The following HMCN1 variants were observed in gnomAD, a reference collection of about 807,000 sequenced individuals.
HMCN1 encodes the protein hemicentin-1.
Under a neutral mutation model 625.9 loss-of-function variants are expected in HMCN1, and 321 were observed. The ratio of observed to expected loss-of-function variants is 0.51; its 90% confidence interval spans 0.47 to 0.56. The LOEUF (loss-of-function observed/expected upper bound fraction) is 0.56. HMCN1 is among the 20% of genes least tolerant of loss of function. The probability of loss-of-function intolerance (pLI) is 0.00; values close to 1 mark genes in which losing one functional copy is unlikely to be tolerated. For synonymous variants in HMCN1, 2,425 were observed against 2,417.6 expected, an observed-to-expected ratio of 1.00 and a Z score of -0.09; for missense variants, 6,588 against 6,887.3, an observed-to-expected ratio of 0.96 and a Z score of 1.54.
chr1:186,145,281 G>C, intron 91 of HMCN1, 122 bp from the exon 92 acceptor site: 1 of 941,594 alleles, frequency 1.1e-6, no homozygotes, highest in Non-Finnish European at 1.6e-6. Flanking sequence ...TTATAGACTT[G>C]CATGTTTTGT....
chr1:185,835,635 A>C lies in HMCN1; in HGVS notation c.269-10391A>C, dbSNP rs1478064136. The stretch of plus-strand genomic sequence containing the variant: ...GTTACCAACTAAAGTGAAGACTCTG[A>C]ACTTCTTCATATTAGAAGTATTTAA... On this transcript the variant is annotated intron_variant, in intron 1 of 106. Transcript: ENST00000271588. Among the ~76,000 whole-genome samples the C allele has an allele frequency of 7.9e-5, 12 of 152,068 alleles. 1 individual carries two copies. Among genetic ancestry groups the C allele is most frequent in the Admixed American group, 7.9e-4 (12 of 15,234 alleles).
intron 57 of HMCN1, among the ~76,000 whole-genome samples, chr1:186,083,505 A>AAAAAG (rs1235565397): frequency 6.2e-4 from 92 of 149,370 alleles, no homozygotes; most frequent in Non-Finnish European, 1.1e-3. Context: ...TTTGCTAAAA[A>AAAAAG]AAAAAAAAAA....
chr1:185,807,104 TA>T lies in HMCN1; in HGVS notation c.269-38915del, dbSNP rs560283160. Among the ~76,000 whole-genome samples, 590 of 152,258 alleles carry T rather than the reference TA, an allele frequency of 3.9e-3. 4 individuals are homozygous for T. Among genetic ancestry groups the T allele is most frequent in the Non-Finnish European group, 6.4e-3 (438 of 67,992 alleles). ...TCCCTGTGTGTTGAAGATTATAATA[TA>T]AAAAAAGCAGTTTTCTGTTAAATAA... On this transcript the variant is annotated intron_variant, in intron 1 of 106. Transcript: ENST00000271588.
At position 186,065,228 on chromosome 1, in the gene HMCN1, A is replaced by T. The variant is rs1553286480; in HGVS notation, c.7514-10A>T. 6.2e-7 allele frequency: 1 copy of T among 1,610,090 alleles called. No individual in the cohort carries two copies. Among genetic ancestry groups the T allele is most frequent in the Non-Finnish European group, 8.5e-7 (1 of 1,178,814 alleles). On this transcript the variant is annotated splice_polypyrimidine_tract_variant and intron_variant, in intron 48 of 106. Coordinates refer to ENST00000271588, the MANE Select transcript of HMCN1 (RefSeq NM_031935.3). Reference sequence around the variant, plus strand: ...ATTATTAGCTGACTCTCAGAAATGGATTTTTACAGGGAATCCAGTGCCAGA... The same window carrying T: ...ATTATTAGCTGACTCTCAGAAATGGTTTTTTACAGGGAATCCAGTGCCAGA...
At chr1:185,938,967 G>A (rs868205973) in intron 11 of HMCN1, among the ~76,000 whole-genome samples, 1 of 151,990 alleles carries the variant, frequency 6.6e-6, no homozygotes, top group African/African-American at 2.4e-5. Flanking sequence ...TCTTTCCTAT[G>A]AAAAGCCATC....
chr1:185,888,270 C>G (rs1182992252), intron 4 of HMCN1, among the ~76,000 whole-genome samples: 7 of 125,548 alleles, frequency 5.6e-5, no homozygotes, highest in East Asian at 2.1e-4. Flanking sequence ...CCTGTTCACT[C>G]TGATGGTAGT....
In HMCN1 at chr1:186,015,240, C is replaced by T. The variant is rs1654281438; in HGVS notation, c.4712C>T (p.Thr1571Ile). ...AGCCTTATTAAACTGGAATGTGAAA[C>T]ACGGGGACTTCCAATGCCTGCCATT... ...INSLIKLECE[T>I]RGLPMPAITW... Residue 1571 changes from threonine to isoleucine, a missense_variant, in exon 31 of 107, where the codon ACA becomes ATA. Transcript: ENST00000271588. The T allele has an allele frequency of 3.1e-6, 5 of 1,613,664 alleles. No homozygotes were observed. In the East Asian group the frequency reaches 6.7e-5, roughly 22 times the overall value.
rs752856078 is a variant in HMCN1 at position 186,016,058 on chromosome 1, T to C, written c.5010T>C (p.Ser1670=). 1 of 1,613,526 alleles carries C rather than the reference T, an allele frequency of 6.2e-7. No homozygotes were observed. Among genetic ancestry groups the C allele is most frequent in the South Asian group, 1.1e-5 (1 of 91,082 alleles). Reference sequence around the variant, plus strand: ...AGTGCAAAGCTGCTGGAAACCCTTCTCCCATTCTCACCTGGTTGAAAGATG... The same window carrying C: ...AGTGCAAAGCTGCTGGAAACCCTTCCCCCATTCTCACCTGGTTGAAAGATG... The part of the protein sequence containing the change: ...TLECKAAGNP[S]PILTWLKDGV... The change falls in exon 32 of 107, where the codon TCT becomes TCC. Residue 1670 remains serine, a synonymous_variant. Coordinates refer to ENST00000271588, the MANE Select transcript of HMCN1 (RefSeq NM_031935.3).
chr1:185,962,770 A>G (rs1396235096), intron 12 of HMCN1, 111 bp downstream of exon 12: 12 of 746,000 alleles, frequency 1.6e-5, no homozygotes, highest in African/African-American at 6.9e-5. Flanking sequence ...TTTGACCACA[A>G]TACTTAGCTT....
intron 4 of HMCN1, among the ~76,000 whole-genome samples, chr1:185,886,165 G>A (rs565793293): frequency 6.6e-6 from 1 of 151,820 alleles, no homozygotes; most frequent in South Asian, 2.1e-4. Context: ...AATATGCAGG[G>A]CTCAGAGCTT....
At chr1:185,749,377 A>T (rs1311969261) in intron 1 of HMCN1, among the ~76,000 whole-genome samples, 3 of 152,186 alleles carry the variant, frequency 2.0e-5, no homozygotes, top group Admixed American at 1.3e-4. Flanking sequence ...AAGTTTCAAC[A>T]TTAAATACCC....
At chr1:185,859,964 C>A (rs1258721893) in intron 2 of HMCN1, among the ~76,000 whole-genome samples, 1 of 152,164 alleles carries the variant, frequency 6.6e-6, no homozygotes, top group Non-Finnish European at 1.5e-5. Context: ...AGCCACTGCA[C>A]CCAGCCTCAT....
At chr1:185,965,762 T>C (rs979789670) in intron 13 of HMCN1, 40 bp from the exon 14 acceptor site, 12 of 1,086,214 alleles carry the variant, frequency 1.1e-5, no homozygotes, top group African/African-American at 1.5e-5. Flanking sequence ...CATCTGGTCT[T>C]GTGCTAAATG....
At chr1:186,120,178 A>G in intron 80 of HMCN1, 33 bp downstream of exon 80, 1 of 1,608,022 alleles carries the variant, frequency 6.2e-7, no homozygotes, top group South Asian at 1.1e-5. Context: ...TTTTCAATTC[A>G]AAGATGTTTG....
intron 1 of HMCN1, among the ~76,000 whole-genome samples, chr1:185,785,830 T>G (rs1057309594): frequency 1.3e-5 from 2 of 152,200 alleles, no homozygotes; most frequent in Non-Finnish European, 2.9e-5. Flanking sequence ...TGGGAAATAG[T>G]CATTTTCTTT....
intron 105 of HMCN1, 91 bp from the exon 106 acceptor site, chr1:186,187,792 C>G: frequency 6.5e-7 from 1 of 1,544,830 alleles, no homozygotes; most frequent in Non-Finnish European, 8.9e-7. Flanking sequence ...GGCTAGCCCT[C>G]CACATTCTAG....
chr1:185,882,815 G>T (rs773574788), intron 4 of HMCN1, among the ~76,000 whole-genome samples: 28 of 151,946 alleles, frequency 1.8e-4, no homozygotes, highest in Non-Finnish European at 3.7e-4. Context: ...GCTCATATTT[G>T]ACAAAAATCA....
chr1:186,052,999 A>T lies in HMCN1; in HGVS notation c.6625A>T (p.Ile2209Phe). Reference sequence around the variant, plus strand: ...TGATGAACTTACTCAACTTACAGTCATTGAAGGGAATCTCATTAGTCTGTT... The same window carrying T: ...TGATGAACTTACTCAACTTACAGTCTTTGAAGGGAATCTCATTAGTCTGTT... The part of the protein sequence containing the change: ...GSDELTQLTV[I>F]EGNLISLLCE... Residue 2209 changes from isoleucine (I) to phenylalanine (F), a missense_variant, in exon 43 of 107, where the codon ATT becomes TTT. By Grantham distance (21) the Ile-to-Phe change is conservative. This residue lies in a region of HMCN1 where 4,628 missense variants were observed against 4,853.1 expected (regional missense o/e 0.95). Coordinates refer to ENST00000271588, the MANE Select transcript of HMCN1 (RefSeq NM_031935.3). The T allele has an allele frequency of 6.2e-7, 1 of 1,607,204 alleles. No homozygotes were observed. The highest frequency in any genetic ancestry group is 1.7e-5 in the Admixed American group (1 of 59,848).
At chr1:186,093,076 T>C (rs1659929388) in intron 64 of HMCN1, 58 bp from the exon 65 acceptor site, 2 of 1,608,276 alleles carry the variant, frequency 1.2e-6, no homozygotes, top group East Asian at 2.2e-5. Flanking sequence ...GGCTTTCATG[T>C]ACTTAGTGAA....
Sources: allele counts gnomAD v4.1 joint callset (sites outside exome capture counted in the v4.1 genomes callset), GRCh38; gene constraint gnomAD v4.1.1; regional missense constraint gnomAD v4.1.1; transcripts MANE v1.5; gene names NCBI Gene and HGNC (gene_info 2026-07-23, HGNC 2026-07-21).